The following PTPRG variants were observed in gnomAD, a reference collection of about 807,000 sequenced individuals.
PTPRG encodes protein tyrosine phosphatase receptor type G.
PTPRG carries 102 observed loss-of-function variants against 165.3 expected under a neutral mutation model. That is an observed-to-expected ratio of 0.62 (90% CI 0.53 to 0.73). The LOEUF is 0.73. Among genes scored for constraint, PTPRG ranks in the 30% least tolerant of loss-of-function variants. The pLI, the probability that PTPRG is intolerant of heterozygous loss-of-function variation, is 0.00. For missense variants in PTPRG, 1,866 were observed against 1,861.4 expected (o/e 1.00, Z -0.05); for synonymous variants, 675 against 669.5 (o/e 1.01, Z -0.13).
At chr3:61,912,665 A>G (rs1461155083) in intron 2 of PTPRG, among the ~76,000 whole-genome samples, 2 of 152,116 alleles carry the variant, frequency 1.3e-5, no homozygotes, top group Admixed American at 6.5e-5. Context: ...CATAGTTTTG[A>G]TATTTAATTC....
rs560473154 is a variant in PTPRG, at chr3:61,613,551, C to T, written c.85+51179C>T. On this transcript the variant is annotated intron_variant, in intron 1 of 29. Transcript: ENST00000474889. ...TATCTATTTAAAACCCACCCAATTA[C>T]AGTGCCAGGTACAATCTTTGATGAG... Among the ~76,000 whole-genome samples the T allele has an allele frequency of 4.9e-4, 75 of 152,294 alleles. 5 individuals are homozygous for T. In the South Asian group the frequency reaches 0.016, roughly 32 times the overall value.
At position 62,243,530 on chromosome 3, in the gene PTPRG, C is replaced by T. The variant is rs563661365; in HGVS notation, c.2376-277C>T. ...TCTGTGTGGTAGGTTTACTCTCTAC[C>T]ATGTTTTCACGTATTTGAGTAGTTA... On this transcript the variant is annotated intron_variant, in intron 14 of 29. Transcript: ENST00000474889. 1.6e-5 allele frequency: 4 copies of T among 257,692 alleles called. No individual in the cohort carries two copies. In the East Asian group the frequency reaches 2.5e-4, roughly 16 times the overall value. The allele number at this position is 257,692 out of a possible 1,614,324, so 16.0% of individuals were successfully genotyped here. A position where few individuals can be genotyped will look rare whatever the true frequency, so the allele number is the denominator to read the frequency against.
At chr3:62,020,487 A>C (rs1198791737) in intron 4 of PTPRG, among the ~76,000 whole-genome samples, 2 of 152,230 alleles carry the variant, frequency 1.3e-5, no homozygotes, top group African/African-American at 4.8e-5. Context: ...ATTACAAAGT[A>C]ATTCACACAA....
intron 2 of PTPRG, among the ~76,000 whole-genome samples, chr3:61,802,946 T>C (rs1980283): frequency 0.44 from 67,074 of 152,096 alleles, 15,620 homozygotes; most frequent in African/African-American, 0.59. Flanking sequence ...GTTCATCTTC[T>C]TCTTTATAGG....
chr3:61,899,155 G>T (rs886588991), intron 2 of PTPRG, among the ~76,000 whole-genome samples: 1 of 152,090 alleles, frequency 6.6e-6, no homozygotes, highest in Non-Finnish European at 1.5e-5. Flanking sequence ...TTTGTGAAAT[G>T]GAGACATCTC....
chr3:61,695,619 C>T (rs963743380), intron 1 of PTPRG, among the ~76,000 whole-genome samples: 2 of 152,234 alleles, frequency 1.3e-5, no homozygotes, highest in South Asian at 4.2e-4. Context: ...TACAGTTTGG[C>T]TTGATTTGAT....
At chr3:61,825,470 T>C (rs2036079049) in intron 2 of PTPRG, among the ~76,000 whole-genome samples, 1 of 152,154 alleles carries the variant, frequency 6.6e-6, no homozygotes, top group East Asian at 1.9e-4. Flanking sequence ...TTCATACCTA[T>C]TGTTTTGATG....
chr3:61,678,336 A>G (rs1559553425), intron 1 of PTPRG, among the ~76,000 whole-genome samples: 1 of 152,242 alleles, frequency 6.6e-6, no homozygotes, highest in Admixed American at 6.5e-5. Context: ...TGTGTTGTCC[A>G]GGGAAGAAAT....
At chr3:61,753,468 C>T (rs193195304) in intron 2 of PTPRG, 8 of 318,206 alleles carry the variant, frequency 2.5e-5, no homozygotes, top group Non-Finnish European at 3.8e-5. Context: ...GGAGTTTGCC[C>T]AGAACTTCTA....
intron 2 of PTPRG, among the ~76,000 whole-genome samples, chr3:61,767,518 A>G (rs1230513009): frequency 1.3e-5 from 2 of 152,204 alleles, no homozygotes; most frequent in African/African-American, 2.4e-5. Context: ...TGTGTTTAAA[A>G]TATTCTTTCA....
At chr3:61,583,804 T>C (rs1575518110) in intron 1 of PTPRG, among the ~76,000 whole-genome samples, 1 of 152,194 alleles carries the variant, frequency 6.6e-6, no homozygotes, top group Admixed American at 6.5e-5. Flanking sequence ...CCTTGCCCTT[T>C]CAAAGCTGGA....
chr3:61,752,581 A>G (rs893932461), intron 2 of PTPRG, among the ~76,000 whole-genome samples: 6 of 152,174 alleles, frequency 3.9e-5, no homozygotes, highest in African/African-American at 1.4e-4. Context: ...TCACGAGGTC[A>G]GGAGTTCGAG....
chr3:61,883,767 G>T (rs1316791546), intron 2 of PTPRG, among the ~76,000 whole-genome samples: 2 of 152,164 alleles, frequency 1.3e-5, no homozygotes, highest in African/African-American at 4.8e-5. Context: ...TGGTAGTGCA[G>T]TGGCACAATC....
chr3:62,021,393 G>T (rs7651165), intron 4 of PTPRG, among the ~76,000 whole-genome samples: 82,905 of 152,046 alleles, frequency 0.55, 23,278 homozygotes, highest in African/African-American at 0.68. Flanking sequence ...CTATTTGACT[G>T]GTTGACATTT....
At chr3:61,801,985 A>G (rs796206274) in intron 2 of PTPRG, among the ~76,000 whole-genome samples, 4 of 147,240 alleles carry the variant, frequency 2.7e-5, no homozygotes, top group Non-Finnish European at 4.5e-5. Flanking sequence ...AGATTGCACC[A>G]TTGCACTCCA....
At chr3:62,121,579 T>A (rs948350440) in intron 5 of PTPRG, among the ~76,000 whole-genome samples, 1 of 152,196 alleles carries the variant, frequency 6.6e-6, no homozygotes. Flanking sequence ...CTCATCGTGT[T>A]CACCTACAGG....
In PTPRG at chr3:62,212,140, C is replaced by G. The variant is rs547661860; in HGVS notation, c.2156-6711C>G. On this transcript the variant is annotated intron_variant, in intron 12 of 29. Transcript: ENST00000474889. ...AGAGAGGGTTCGTTAGCATTTTGCT[C>G]CAAGTTTCATGGGGAAGACATTTCA... is the stretch of plus-strand genomic sequence containing the variant. 3.3e-5 allele frequency among the ~76,000 whole-genome samples: 5 copies of G among 152,110 alleles called. No homozygotes were observed. The South Asian group carries it at 1.0e-3, about 32-fold the overall frequency.
chr3:62,023,559 C>T (rs971938882), intron 4 of PTPRG, among the ~76,000 whole-genome samples: 7 of 152,156 alleles, frequency 4.6e-5, no homozygotes, highest in African/African-American at 1.7e-4. Context: ...GTATGCATTA[C>T]TTTCCTCTCT....
At chr3:61,891,654 A>G (rs2038218661) in intron 2 of PTPRG, among the ~76,000 whole-genome samples, 1 of 152,232 alleles carries the variant, frequency 6.6e-6, no homozygotes, top group Non-Finnish European at 1.5e-5. Flanking sequence ...GGTAGCTGAG[A>G]GCAGTGGAGA....
Sources: gnomAD v4.1 joint callset for allele counts (sites outside exome capture counted in the v4.1 genomes callset) on GRCh38, gnomAD v4.1.1 for gene constraint, MANE v1.5 for transcripts, NCBI Gene and HGNC (gene_info 2026-07-23, HGNC 2026-07-21) for gene names.